EOLA2: variants seen among roughly 807,000 people sequenced by gnomAD.
EOLA2 encodes endothelium and lymphocyte associated ASCH domain 2, also known as protein EOLA2.
In EOLA2, 3 loss-of-function variants were observed where a neutral mutation model predicts 4.1. That is an observed-to-expected ratio of 0.73 (90% CI 0.33 to 1.89). EOLA2 has a LOEUF of 1.89. Among genes scored for constraint, EOLA2 ranks in the 40% most tolerant of loss-of-function variants. The pLI, the probability that EOLA2 is intolerant of heterozygous loss-of-function variation, is 0.08. For missense variants in EOLA2, 109 were observed against 126.4 expected (o/e 0.86, Z 0.66); for synonymous variants, 52 against 51.7 (o/e 1.01, Z -0.03).
downstream of EOLA2, among the ~76,000 whole-genome samples, chrX:149,931,447 G>A (rs2124131677): frequency 1.8e-5 from 2 of 108,444 alleles, no homozygotes; most frequent in South Asian, 8.4e-4. Context: ...GATGTTGCTA[G>A]GAAGTGTCGA....
rs368857106 is a variant in EOLA2, at chrX:149,932,718, G to A, written c.303C>T (p.Pro101=). Residue 101 remains proline (P), a synonymous_variant, in exon 5 of 5, where the codon CCC becomes CCT. Transcript: ENST00000370406. ...ETLQCPEDLT[P]DEVVELENQA... ...GATTTTCTAGTTCCACAACCTCATC[G>A]GGAGTTAAGTCTTCGGGGCATTGCA... 27 of 1,204,196 alleles carry A rather than the reference G, an allele frequency of 2.2e-5. No homozygotes were observed. The South Asian group carries it at 4.3e-4, about 19-fold the overall frequency.
downstream of EOLA2, chrX:149,930,439 T>C (rs2090860547): frequency 2.6e-6 from 1 of 378,737 alleles, no homozygotes; most frequent in Non-Finnish European, 4.1e-6. Flanking sequence ...GAATTGTTTA[T>C]CTTTAGTCAG....
At chrX:149,933,421 G>A (rs1371894921) in intron 4 of EOLA2, among the ~76,000 whole-genome samples, 5 of 111,160 alleles carry the variant, frequency 4.5e-5, no homozygotes, top group African/African-American at 9.8e-5. Flanking sequence ...GTGGAGAAAT[G>A]ATTTACCAGA....
intron 2 of EOLA2, among the ~76,000 whole-genome samples, chrX:149,935,621 C>G (rs2090976741): frequency 2.0e-5 from 2 of 98,969 alleles, no homozygotes; most frequent in Non-Finnish European, 4.1e-5. Flanking sequence ...CTCAGCAGCC[C>G]CAGCATGGCT....
chrX:149,931,118 G>C (rs1384835119), downstream of EOLA2: 152 of 935,605 alleles, frequency 1.6e-4, 2 homozygotes, highest in African/African-American at 2.5e-3. Flanking sequence ...AGGCTCCTCA[G>C]ATTACAAGTG....
chrX:149,937,551 G>A (rs1323540676), intron 1 of EOLA2, 71 bp from the exon 2 acceptor site: 1 of 249,391 alleles, frequency 4.0e-6, no homozygotes, highest in Non-Finnish European at 5.6e-6. Flanking sequence ...ATGGCCCTAG[G>A]AAGGTCTTCT....
At chrX:149,931,083 C>T, downstream of EOLA2, 11 of 937,942 alleles carry the variant, frequency 1.2e-5, no homozygotes, top group Middle Eastern at 4.5e-4. Flanking sequence ...CCAAATGAGC[C>T]CTCTGACGAT....
At position 149,933,734 on chromosome X, in the gene EOLA2, G is replaced by C. The variant is rs1416754586; in HGVS notation, c.141C>G (p.Asp47Glu). ...GCTCCCGACAGGCATCGCCTTCCCAGTCCCTGTGAGCAATGTGGACGGCGA... is the reference window on the plus strand; with the variant it reads ...GCTCCCGACAGGCATCGCCTTCCCACTCCCTGTGAGCAATGTGGACGGCGA... ...CTIAVHIAHR[D>E]WEGDACRELL... The change falls in exon 4 of 5, where the codon GAC (aspartate) becomes GAG (glutamate). Residue 47 changes from aspartate (D) to glutamate (E), a missense_variant. Transcript: ENST00000370406. The C allele has an allele frequency of 8.3e-6, 10 of 1,206,874 alleles. No individual in the cohort carries two copies. The highest frequency in any genetic ancestry group is 1.1e-5 in the Non-Finnish European group (10 of 894,839).
intron 1 of EOLA2, among the ~76,000 whole-genome samples, chrX:149,937,866 C>T (rs1182017817): frequency 4.4e-5 from 5 of 112,847 alleles, no homozygotes; most frequent in African/African-American, 1.6e-4. Context: ...TCATGCTGAG[C>T]ACGGGGCCAC....
At position 149,933,772 on chromosome X, in the gene EOLA2, G is replaced by A. The variant is rs781843529; in HGVS notation, c.103C>T (p.Arg35Trp). 1.6e-5 allele frequency: 19 copies of A among 1,204,451 alleles called. No individual in the cohort carries two copies. The highest frequency in any genetic ancestry group is 1.9e-5 in the Non-Finnish European group (17 of 893,105). Reference protein sequence around the residue: ...TRWRPLLSSQRNCTIAVHIAH... With the variant: ...TRWRPLLSSQWNCTIAVHIAH... ...ATGTGGACGGCGATGGTACAGTTCC[G>A]CTGGCTGCTCAGCAGAGGACGCCAG... The change falls in exon 4 of 5, where the codon CGG becomes TGG. Residue 35 changes from arginine to tryptophan, a missense_variant. Physicochemically the swap from Arg to Trp is moderately radical, Grantham distance 101. Coordinates refer to ENST00000370406, the MANE Select transcript of EOLA2 (RefSeq NM_001013845.2).
Position 149,937,484 on chromosome X carries a change from C to A in EOLA2, c.-210-4G>T, listed in dbSNP as rs138295446. 4.5e-3 allele frequency: 2,943 copies of A among 648,958 alleles called. 8 individuals carry two copies. Among genetic ancestry groups the A allele is most frequent in the Non-Finnish European group, 5.2e-3 (2,811 of 542,947 alleles). 53.5% of individuals were successfully genotyped at this position (648,958 alleles called of 1,213,427 possible). On this transcript the variant is annotated splice_polypyrimidine_tract_variant and splice_region_variant and intron_variant, in intron 1 of 4. Transcript: ENST00000370406. ...CTCTTCCACTTGGTTTCTTTACCTG[C>A]ACAACAAGGAAGATAAAGAGGAAAG...
At chrX:149,929,939 G>A (rs2090854885), downstream of EOLA2, 1 of 1,038,009 alleles carries the variant, frequency 9.6e-7, no homozygotes, top group Non-Finnish European at 1.2e-6. Context: ...ATTCAAGTCT[G>A]TGAGCTGGAA....
intron 2 of EOLA2, among the ~76,000 whole-genome samples, chrX:149,935,956 A>G (rs1467252841): frequency 3.9e-5 from 4 of 103,724 alleles, no homozygotes; most frequent in Non-Finnish European, 7.9e-5. Context: ...ATCCCAATCC[A>G]ATCCCCTAAA....
downstream of EOLA2, among the ~76,000 whole-genome samples, chrX:149,930,313 G>A (rs879972740): frequency 6.3e-5 from 7 of 111,871 alleles, no homozygotes; most frequent in South Asian, 1.1e-3. Flanking sequence ...ATATTAAACT[G>A]CAACCCCCTT....
At chrX:149,933,406 C>G (rs1557374955) in intron 4 of EOLA2, among the ~76,000 whole-genome samples, 1 of 111,112 alleles carries the variant, frequency 9.0e-6, no homozygotes, top group Admixed American at 9.5e-5. Flanking sequence ...GAACTGCGGC[C>G]CAGAGTGGAG....
At chrX:149,935,108 C>T (rs1446310869) in intron 2 of EOLA2, among the ~76,000 whole-genome samples, 2 of 107,017 alleles carry the variant, frequency 1.9e-5, no homozygotes, top group Non-Finnish European at 3.9e-5. Context: ...CACATAAACG[C>T]AACCTCTAGT....
intron 2 of EOLA2, chrX:149,934,621 A>G: frequency 5.3e-6 from 4 of 752,615 alleles, no homozygotes; most frequent in Non-Finnish European, 6.3e-6. Flanking sequence ...CCCCCCACAC[A>G]TGCCTTCCAC....
intron 2 of EOLA2, among the ~76,000 whole-genome samples, chrX:149,937,174 T>C (rs1261195711): frequency 1.8e-5 from 2 of 111,579 alleles, no homozygotes; most frequent in Non-Finnish European, 3.8e-5. Context: ...TGACCAAAGA[T>C]AACCAGGTTC....
intron 2 of EOLA2, among the ~76,000 whole-genome samples, chrX:149,935,907 C>A (rs1441531026): frequency 2.7e-4 from 29 of 108,704 alleles, no homozygotes; most frequent in Non-Finnish European, 4.4e-4. Flanking sequence ...CCAAAACCGA[C>A]ACTGAATCTG....
Sources: gnomAD v4.1 joint callset for allele counts (sites outside exome capture counted in the v4.1 genomes callset) on GRCh38, gnomAD v4.1.1 for gene constraint, MANE v1.5 for transcripts, NCBI Gene and HGNC (gene_info 2026-07-23, HGNC 2026-07-21) for gene names.